CPNE4: variants seen among roughly 807,000 people sequenced by gnomAD.
CPNE4 encodes copine 4, also known as copine-4.
In CPNE4, 25 loss-of-function variants were observed where a neutral mutation model predicts 67.9. The observed-to-expected ratio is 0.37, with a 90% confidence interval of 0.27 to 0.51. CPNE4 has a LOEUF of 0.51. CPNE4 is among the 20% of genes least tolerant of loss of function. CPNE4 has a pLI of 0.93. For synonymous variants in CPNE4, 242 were observed against 244.9 expected (o/e 0.99, Z 0.11); for missense variants, 464 against 690.8 (o/e 0.67, Z 3.68).
intron 15 of CPNE4, among the ~76,000 whole-genome samples, chr3:131,538,361 T>C (rs1310668970): frequency 6.6e-6 from 1 of 152,238 alleles, no homozygotes; most frequent in Non-Finnish European, 1.5e-5. Context: ...TTGGACAGCA[T>C]TGTTCCCAAA....
chr3:131,631,692 A>G (rs984525712), intron 7 of CPNE4, among the ~76,000 whole-genome samples: 26 of 152,228 alleles, frequency 1.7e-4, no homozygotes, highest in African/African-American at 6.3e-4. Flanking sequence ...GCCTCTTATA[A>G]TACTAAATAG....
intron 1 of CPNE4, among the ~76,000 whole-genome samples, chr3:132,005,382 T>G (rs2073572715): frequency 7.1e-6 from 1 of 141,078 alleles, no homozygotes; most frequent in Non-Finnish European, 1.5e-5. Flanking sequence ...CATATATGTT[T>G]ATATTTCTAT....
At chr3:131,796,404 A>G (rs1370422102) in intron 2 of CPNE4, among the ~76,000 whole-genome samples, 1 of 152,188 alleles carries the variant, frequency 6.6e-6, no homozygotes, top group Non-Finnish European at 1.5e-5. Flanking sequence ...TTAATTACAC[A>G]CACATTCATT....
chr3:131,600,288 T>A (rs1394801751), intron 7 of CPNE4, among the ~76,000 whole-genome samples: 1 of 152,124 alleles, frequency 6.6e-6, no homozygotes, highest in African/African-American at 2.4e-5. Context: ...TTAGCTATTA[T>A]TAGCCTCAAG....
At chr3:131,809,196 AAG>A (rs2084434084) in intron 2 of CPNE4, among the ~76,000 whole-genome samples, 1 of 152,166 alleles carries the variant, frequency 6.6e-6, no homozygotes, top group Admixed American at 6.5e-5. Context: ...TAAAAAGTAG[AAG>A]AGAGAAGCTG....
intron 1 of CPNE4, among the ~76,000 whole-genome samples, chr3:131,953,253 A>ATAAAT (rs1331790441): frequency 6.3e-5 from 9 of 143,508 alleles, no homozygotes; most frequent in Non-Finnish European, 1.1e-4. Context: ...AAAAAAAAAA[A>ATAAAT]AAAAAAAAAA....
At chr3:131,830,736 G>C (rs1445475154) in intron 2 of CPNE4, among the ~76,000 whole-genome samples, 1 of 151,650 alleles carries the variant, frequency 6.6e-6, no homozygotes, top group Non-Finnish European at 1.5e-5. Context: ...TTTCCAATTA[G>C]TTCTACAAAG....
intron 7 of CPNE4, among the ~76,000 whole-genome samples, chr3:131,600,809 C>T (rs1418560016): frequency 6.6e-6 from 1 of 152,192 alleles, no homozygotes; most frequent in African/African-American, 2.4e-5. Flanking sequence ...AAAGCATAAA[C>T]TTCTTTTACA....
At chr3:131,591,201 AT>A (rs1399877769) in intron 7 of CPNE4, among the ~76,000 whole-genome samples, 1 of 152,148 alleles carries the variant, frequency 6.6e-6, no homozygotes, top group Non-Finnish European at 1.5e-5. Flanking sequence ...GGGCCCTTGT[AT>A]TTGAGGCTCA....
intron 6 of CPNE4, among the ~76,000 whole-genome samples, chr3:131,681,026 C>T (rs1161710388): frequency 6.6e-6 from 1 of 152,172 alleles, no homozygotes; most frequent in Non-Finnish European, 1.5e-5. Context: ...AGTAGTATTC[C>T]ATGGTATATA....
intron 14 of CPNE4, 87 bp from the exon 15 acceptor site, chr3:131,542,880 G>T: frequency 1.1e-6 from 1 of 900,634 alleles, no homozygotes; most frequent in Non-Finnish European, 1.8e-6. Flanking sequence ...CACCCAGGTG[G>T]CCTCACTGCA....
rs1244639002 is a variant in CPNE4, at chr3:131,673,913, A to T, written c.592-4149T>A. Reference sequence around the variant, plus strand: ...TCCAGATCTTAGAGGAAAGGCTTTCAGTTTTTCCCAATTCAGCATGATACT... The same window carrying T: ...TCCAGATCTTAGAGGAAAGGCTTTCTGTTTTTCCCAATTCAGCATGATACT... On this transcript the variant is annotated intron_variant, in intron 6 of 15. Transcript: ENST00000429747. 2.0e-5 allele frequency among the ~76,000 whole-genome samples: 3 copies of T among 152,106 alleles called. No individual in the cohort carries two copies. The East Asian group carries it at 5.8e-4, about 29-fold the overall frequency.
At chr3:131,837,483 A>T (rs756406888) in intron 2 of CPNE4, among the ~76,000 whole-genome samples, 4 of 152,120 alleles carry the variant, frequency 2.6e-5, no homozygotes, top group Non-Finnish European at 4.4e-5. Flanking sequence ...TTCTCAAATG[A>T]CAAAATTACA....
chr3:131,838,053 C>T (rs945026405), intron 2 of CPNE4, among the ~76,000 whole-genome samples: 2 of 151,844 alleles, frequency 1.3e-5, no homozygotes, highest in African/African-American at 4.8e-5. Context: ...ACCTTTGTTC[C>T]CATCCTCAGC....
rs1260803967 is a variant in CPNE4, at chr3:131,887,934, C to T, written c.180+17330G>A. Among the ~76,000 whole-genome samples the T allele has an allele frequency of 3.3e-5, 5 of 152,072 alleles. No homozygotes were observed. The South Asian group carries it at 1.0e-3, about 32-fold the overall frequency. On this transcript the variant is annotated intron_variant, in intron 2 of 15. Transcript: ENST00000429747. Reference sequence around the variant, plus strand: ...TCTATGTCCTTACCCTGAGAGATTGCCATGTAGGTAAGTTCACTTGTAGGT... The same window carrying T: ...TCTATGTCCTTACCCTGAGAGATTGTCATGTAGGTAAGTTCACTTGTAGGT...
chr3:131,855,961 C>A (rs934436482), intron 2 of CPNE4, among the ~76,000 whole-genome samples: 1 of 151,670 alleles, frequency 6.6e-6, no homozygotes, highest in South Asian at 2.1e-4. Context: ...TCTGAGTTCT[C>A]CTCTGACTGA....
At chr3:131,782,288 G>T (rs1238251665) in intron 2 of CPNE4, among the ~76,000 whole-genome samples, 1 of 151,962 alleles carries the variant, frequency 6.6e-6, no homozygotes, top group Non-Finnish European at 1.5e-5. Flanking sequence ...CAATGCAAAA[G>T]ATTTTTTATT....
At chr3:132,007,768 C>A (rs1483708450) in intron 1 of CPNE4, among the ~76,000 whole-genome samples, 1 of 152,118 alleles carries the variant, frequency 6.6e-6, no homozygotes, top group Non-Finnish European at 1.5e-5. Context: ...TGCCATGACA[C>A]CTGTCATGAT....
At chr3:131,625,653 A>T (rs909868897) in intron 7 of CPNE4, among the ~76,000 whole-genome samples, 3 of 152,232 alleles carry the variant, frequency 2.0e-5, no homozygotes, top group Non-Finnish European at 4.4e-5. Flanking sequence ...TAAGACTTCC[A>T]GTGAATGCCT....
Sources: allele counts gnomAD v4.1 joint callset (sites outside exome capture counted in the v4.1 genomes callset), GRCh38; gene constraint gnomAD v4.1.1; transcripts MANE v1.5; gene names NCBI Gene and HGNC (gene_info 2026-07-23, HGNC 2026-07-21).